ADAMTSL3: variants seen among roughly 807,000 people sequenced by gnomAD.
ADAMTSL3 encodes ADAMTS like 3.
A neutral mutation model predicts 201.7 loss-of-function variants in ADAMTSL3; 128 were observed. The observed-to-expected ratio is 0.63, with a 90% CI of 0.55 to 0.73. ADAMTSL3 has a LOEUF of 0.73. ADAMTSL3 is among the 30% of genes least tolerant of loss of function. The pLI, the probability that ADAMTSL3 is intolerant of heterozygous loss-of-function variation, is 0.00. For synonymous variants in ADAMTSL3, 738 were observed against 748.4 expected (o/e 0.99, Z 0.23); for missense variants, 1,990 against 2,119.6 (o/e 0.94, Z 1.20).
chr15:83,765,172 T>C (rs1309254421), intron 3 of ADAMTSL3, among the ~76,000 whole-genome samples: 1 of 152,216 alleles, frequency 6.6e-6, no homozygotes, highest in Admixed American at 6.5e-5. Context: ...TATATCCTGG[T>C]CAGACTGAAT....
chr15:83,785,946 T>G (rs1416175533), intron 4 of ADAMTSL3, among the ~76,000 whole-genome samples: 1 of 151,984 alleles, frequency 6.6e-6, no homozygotes, highest in Non-Finnish European at 1.5e-5. Flanking sequence ...TAGATTCAAG[T>G]GATTCTTCTG....
At chr15:83,715,907 C>T (rs190449084) in intron 3 of ADAMTSL3, among the ~76,000 whole-genome samples, 14 of 152,286 alleles carry the variant, frequency 9.2e-5, no homozygotes, top group South Asian at 2.1e-4. Flanking sequence ...GTGTTTTCTG[C>T]GATGTCCAGC....
chr15:83,658,713 T>G (rs771414237), intron 2 of ADAMTSL3, among the ~76,000 whole-genome samples: 16 of 152,214 alleles, frequency 1.1e-4, no homozygotes, highest in Admixed American at 2.0e-4. Flanking sequence ...CTGGAGTATT[T>G]GAAAGCTTTT....
intron 6 of ADAMTSL3, among the ~76,000 whole-genome samples, chr15:83,823,907 CTTCTTCTTCTTCTTCT>C (rs1567169420): frequency 6.3e-5 from 3 of 47,428 alleles, no homozygotes; most frequent in African/African-American, 1.8e-4. Context: ...TCTTCTTCTT[CTTCTTCTTCTTCTTCT>C]TCTTCTTCTT....
chr15:83,856,944 C>G (rs2064747447), intron 7 of ADAMTSL3, among the ~76,000 whole-genome samples: 1 of 152,110 alleles, frequency 6.6e-6, no homozygotes, highest in Non-Finnish European at 1.5e-5. Flanking sequence ...CACAAGGGTT[C>G]TTTTCGCCAC....
chr15:83,868,906 A>T (rs1596334687), intron 8 of ADAMTSL3, among the ~76,000 whole-genome samples: 1 of 152,288 alleles, frequency 6.6e-6, no homozygotes, highest in East Asian at 1.9e-4. Context: ...TGGTTTAGGG[A>T]ATGGATATCG....
At chr15:83,912,983 G>A (rs1015691458) in intron 15 of ADAMTSL3, 109 bp from the exon 16 acceptor site, 20 of 1,172,214 alleles carry the variant, frequency 1.7e-5, no homozygotes, top group Middle Eastern at 3.0e-4. Context: ...GAATTCCACC[G>A]AGTGAAGCTG....
chr15:83,928,056 G>A (rs1337579656), intron 17 of ADAMTSL3, among the ~76,000 whole-genome samples: 2 of 151,748 alleles, frequency 1.3e-5, no homozygotes, highest in African/African-American at 4.8e-5. Context: ...GTTCACTGCA[G>A]CCTTGAACTT....
At chr15:83,780,710 A>T (rs1408509603) in intron 4 of ADAMTSL3, among the ~76,000 whole-genome samples, 1 of 152,124 alleles carries the variant, frequency 6.6e-6, no homozygotes, top group Non-Finnish European at 1.5e-5. Flanking sequence ...TATCTGGAAA[A>T]CCCCATAGTC....
At position 83,891,376 on chromosome 15, in the gene ADAMTSL3, C is replaced by T; in HGVS notation, c.1259C>T (p.Pro420Leu). 1.9e-6 allele frequency: 3 copies of T among 1,612,394 alleles called. No homozygotes were observed. Among genetic ancestry groups the T allele is most frequent in the Non-Finnish European group, 2.5e-6 (3 of 1,178,660 alleles). The change falls in exon 12 of 30, where the codon CCT (proline) becomes CTT (leucine). Residue 420 changes from proline (P) to leucine (L), a missense_variant. Pro to Leu is a moderately conservative substitution (Grantham distance 98). Coordinates refer to ENST00000286744, the MANE Select transcript of ADAMTSL3 (RefSeq NM_207517.3). The part of the protein sequence containing the change: ...IMPYDHFQPL[P>L]RWEHNPWTAC... ...CCCTATGACCACTTCCAACCTCTTCCTCGGTGAGTTATATGTTTCCTTTTC... is the reference window on the plus strand; with the variant it reads ...CCCTATGACCACTTCCAACCTCTTCTTCGGTGAGTTATATGTTTCCTTTTC...
intron 3 of ADAMTSL3, among the ~76,000 whole-genome samples, chr15:83,763,931 G>A (rs1270799588): frequency 6.6e-6 from 1 of 152,178 alleles, no homozygotes; most frequent in African/African-American, 2.4e-5. Context: ...CCATTATCAG[G>A]TAAACTGCTC....
At chr15:83,812,297 T>C (rs1329008582) in intron 5 of ADAMTSL3, among the ~76,000 whole-genome samples, 1 of 152,172 alleles carries the variant, frequency 6.6e-6, no homozygotes, top group African/African-American at 2.4e-5. Flanking sequence ...TCTCACTGCC[T>C]TCCCACTGCC....
intron 9 of ADAMTSL3, among the ~76,000 whole-genome samples, chr15:83,876,954 A>G (rs1226218708): frequency 3.9e-5 from 6 of 152,180 alleles, no homozygotes; most frequent in Non-Finnish European, 7.3e-5. Flanking sequence ...CACCACACCC[A>G]GCAAGTTTTC....
intron 17 of ADAMTSL3, among the ~76,000 whole-genome samples, chr15:83,940,118 A>G (rs1201567373): frequency 1.2e-4 from 18 of 152,218 alleles, no homozygotes; most frequent in Admixed American, 1.2e-3. Context: ...GGCTTTAGCT[A>G]AATTCCACAA....
chr15:84,014,348 A>C (rs1183562264), intron 23 of ADAMTSL3, among the ~76,000 whole-genome samples, 194 bp from the exon 24 acceptor site: 3 of 152,214 alleles, frequency 2.0e-5, no homozygotes, highest in Non-Finnish European at 2.9e-5. Context: ...CTGTAGACCA[A>C]AGCCCTTTGC....
At chr15:83,923,744 A>C (rs756753308) in intron 16 of ADAMTSL3, among the ~76,000 whole-genome samples, 160 bp from the exon 17 acceptor site, 1 of 152,216 alleles carries the variant, frequency 6.6e-6, no homozygotes, top group African/African-American at 2.4e-5. Flanking sequence ...GGATAATGCA[A>C]AGTTGTTTGT....
At chr15:83,877,129 A>G (rs1215266762) in intron 9 of ADAMTSL3, among the ~76,000 whole-genome samples, 3 of 151,798 alleles carry the variant, frequency 2.0e-5, no homozygotes, top group Non-Finnish European at 4.4e-5. Context: ...TTGTAGTAAC[A>G]GGATCCAGCT....
At chr15:83,958,463 G>T (rs1171126494) in intron 19 of ADAMTSL3, among the ~76,000 whole-genome samples, 2 of 152,180 alleles carry the variant, frequency 1.3e-5, no homozygotes, top group Non-Finnish European at 2.9e-5. Flanking sequence ...TGGCCAAATT[G>T]TTGCATATAA....
chr15:83,748,866 A>G (rs1477645662), intron 3 of ADAMTSL3, among the ~76,000 whole-genome samples: 3 of 152,158 alleles, frequency 2.0e-5, no homozygotes, highest in African/African-American at 7.2e-5. Context: ...ACCTTGAAAG[A>G]CAGTGGGAGC....
Sources: allele counts gnomAD v4.1 joint callset (sites outside exome capture counted in the v4.1 genomes callset), GRCh38; gene constraint gnomAD v4.1.1; transcripts MANE v1.5; gene names NCBI Gene and HGNC (gene_info 2026-07-23, HGNC 2026-07-21).